The following TTC7A variants were observed in gnomAD, a reference collection of about 807,000 sequenced individuals.
TTC7A encodes the protein tetratricopeptide repeat domain 7A.
Under a neutral mutation model 103.7 loss-of-function variants are expected in TTC7A, and 110 were observed. That is an observed-to-expected ratio of 1.06 (90% confidence interval 0.91 to 1.24). The LOEUF (loss-of-function observed/expected upper bound fraction) is 1.24, where lower values mean the gene tolerates loss of function less well. Ranked by LOEUF, TTC7A falls within the 50% of genes most tolerant of loss-of-function variation. The pLI, the probability that TTC7A is intolerant of heterozygous loss-of-function variation, is 0.00. For missense variants in TTC7A, 1,340 were observed against 1,116.3 expected (o/e 1.20, Z -2.86); for synonymous variants, 521 against 467.9 (o/e 1.11, Z -1.47).
chr2:47,023,479 C>G lies in TTC7A; in HGVS notation c.1568+14C>G. The G allele has an allele frequency of 6.2e-7, 1 of 1,613,916 alleles. No individual in the cohort carries two copies. ...GACGCTGGAGAGGTGAGGAGGCTCCCACCTGCAGCAGAGGCCCCTCTTGCC... is the reference window on the plus strand; with the variant it reads ...GACGCTGGAGAGGTGAGGAGGCTCCGACCTGCAGCAGAGGCCCCTCTTGCC... On this transcript the variant is annotated intron_variant, in intron 13 of 19. Coordinates refer to ENST00000319190, the MANE Select transcript of TTC7A (RefSeq NM_020458.4).
At chr2:46,986,525 C>G (rs545640432) in intron 5 of TTC7A, among the ~76,000 whole-genome samples, 1 of 150,842 alleles carries the variant, frequency 6.6e-6, no homozygotes, top group African/African-American at 2.4e-5. Context: ...GGGAAAGAGG[C>G]AGAGAGGTGG....
chr2:46,941,503 C>G lies in TTC7A; in HGVS notation c.-39C>G. On this transcript the variant is annotated 5_prime_UTR_variant, in exon 1 of 20. Transcript: ENST00000319190. The surrounding 1 kb of genome is among the most constrained non-coding windows in gnomAD (Gnocchi z 4.2). Reference sequence around the variant, plus strand: ...GACGCCGCCCCCGGCCGGGTCTCCACTTCTTGGCCGCACCTTCCATGACAG... The same window carrying G: ...GACGCCGCCCCCGGCCGGGTCTCCAGTTCTTGGCCGCACCTTCCATGACAG... 6.5e-7 allele frequency: 1 copy of G among 1,545,646 alleles called. No homozygotes were observed. Among genetic ancestry groups the G allele is most frequent in the Non-Finnish European group, 8.7e-7 (1 of 1,145,106 alleles).
At chr2:46,918,575 A>G (rs150737904) in intron 2 of TTC7A, among the ~76,000 whole-genome samples, 27 of 152,356 alleles carry the variant, frequency 1.8e-4, no homozygotes, top group Middle Eastern at 3.4e-3. Context: ...GGATGCTAAA[A>G]ACAAGACACT....
In TTC7A at chr2:47,073,984, G is replaced by A; in HGVS notation, c.*61G>A. 1 of 1,423,932 alleles carries A rather than the reference G, an allele frequency of 7.0e-7. No individual in the cohort carries two copies. Among genetic ancestry groups the A allele is most frequent in the South Asian group, 1.2e-5 (1 of 82,522 alleles). The allele number at this position is 1,423,932 out of a possible 1,614,324, so 88.2% of individuals were successfully genotyped here. A position where few individuals can be genotyped will look rare whatever the true frequency, so the allele number is the denominator to read the frequency against. On this transcript the variant is annotated 3_prime_UTR_variant, in exon 20 of 20. Transcript: ENST00000319190. ...GAGGGAGAGGCAGCAGGGAACGTGG[G>A]TCAGGGTGGGGCAACAGTGGCATCA...
intron 15 of TTC7A, among the ~76,000 whole-genome samples, chr2:47,044,007 G>T (rs1247307052): frequency 1.3e-5 from 2 of 152,142 alleles, no homozygotes; most frequent in East Asian, 3.9e-4. Context: ...AATGCAGCAG[G>T]GCTGGCCTGC....
intron 19 of TTC7A, among the ~76,000 whole-genome samples, chr2:47,064,967 C>A (rs909208892): frequency 6.6e-6 from 1 of 152,196 alleles, no homozygotes; most frequent in Non-Finnish European, 1.5e-5. Flanking sequence ...ATGGGAGATA[C>A]TCAGGGAAAA....
chr2:47,072,944 T>G (rs1684893463), intron 19 of TTC7A, among the ~76,000 whole-genome samples: 1 of 152,172 alleles, frequency 6.6e-6, no homozygotes, highest in African/African-American at 2.4e-5. Context: ...TGTTAGTTCC[T>G]CTATCTCTTT....
intron 11 of TTC7A, 128 bp downstream of exon 11, chr2:47,011,563 G>C: frequency 2.8e-6 from 2 of 710,734 alleles, no homozygotes; most frequent in Non-Finnish European, 4.6e-6. Flanking sequence ...CTACCAGGCA[G>C]ATGGGCCTGG....
At chr2:47,057,195 C>T (rs113814439) in intron 18 of TTC7A, among the ~76,000 whole-genome samples, 4,355 of 152,312 alleles carry the variant, frequency 0.029, 104 homozygotes, top group South Asian at 0.061. Context: ...ACCTTTGGGC[C>T]TGTGTGCAGG....
At chr2:46,966,362 CTG>C (rs960940824) in intron 3 of TTC7A, among the ~76,000 whole-genome samples, 2 of 152,178 alleles carry the variant, frequency 1.3e-5, no homozygotes, top group Admixed American at 1.3e-4. Context: ...ACTTAGCACT[CTG>C]TGAACATTTT....
rs563452570 is a variant in TTC7A, at chr2:46,967,349, G to A, written c.518-7624G>A. 5.3e-5 allele frequency among the ~76,000 whole-genome samples: 8 copies of A among 152,272 alleles called. No individual in the cohort carries two copies. In the East Asian group the frequency reaches 1.5e-3, roughly 29 times the overall value. On this transcript the variant is annotated intron_variant, in intron 3 of 19. Coordinates refer to ENST00000319190, the MANE Select transcript of TTC7A (RefSeq NM_020458.4). ...TAACATTTGCATTATTGTGCAACCA[G>A]TCTCCAGAATTCTTTTACCTTGCGA...
Position 47,076,028 on chromosome 2 carries a change from C to T in TTC7A, c.*2105C>T, listed in dbSNP as rs1036520538. ...TGGGCCTTGTTCAGATTGGCCACCT[C>T]TGCTGAGAAGTCCATACCAGTACAC... On this transcript the variant is annotated 3_prime_UTR_variant, in exon 20 of 20. Transcript: ENST00000319190. The T allele has an allele frequency of 1.3e-5, 2 of 152,264 alleles. No individual in the cohort carries two copies. The highest frequency in any genetic ancestry group is 2.9e-5 in the Non-Finnish European group (2 of 68,080). The allele number at this position is 152,264 out of a possible 1,614,324, so 9.4% of individuals were successfully genotyped here. A position where few individuals can be genotyped will look rare whatever the true frequency, so the allele number is the denominator to read the frequency against.
At chr2:46,999,655 A>C (rs935587786) in intron 8 of TTC7A, 2 of 985,438 alleles carry the variant, frequency 2.0e-6, no homozygotes, top group African/African-American at 3.5e-5. Flanking sequence ...CTGAACCTCA[A>C]ACGTAAATTC....
At chr2:47,009,706 A>G (rs910173582) in intron 10 of TTC7A, among the ~76,000 whole-genome samples, 3 of 151,902 alleles carry the variant, frequency 2.0e-5, no homozygotes, top group Non-Finnish European at 4.4e-5. Context: ...CTGGGGGGAT[A>G]TGAGAGCTAA....
intron 12 of TTC7A, among the ~76,000 whole-genome samples, chr2:47,022,359 C>T (rs753670297): frequency 1.3e-5 from 2 of 152,222 alleles, no homozygotes; most frequent in African/African-American, 2.4e-5. Context: ...TTCTCATAGG[C>T]CTGCCTTTAA....
intron 4 of TTC7A, among the ~76,000 whole-genome samples, chr2:46,977,426 T>G (rs911334736): frequency 6.6e-6 from 1 of 152,180 alleles, no homozygotes; most frequent in African/African-American, 2.4e-5. Flanking sequence ...AAGGAAATGG[T>G]ATACAGAAGG....
chr2:47,012,247 G>A (rs1408780033), intron 11 of TTC7A, among the ~76,000 whole-genome samples: 2 of 152,234 alleles, frequency 1.3e-5, no homozygotes, highest in African/African-American at 4.8e-5. Context: ...CCCACTTCTG[G>A]ATAATCTTTG....
At chr2:46,968,304 G>GCAGT (rs1307158803) in intron 3 of TTC7A, among the ~76,000 whole-genome samples, 1 of 152,212 alleles carries the variant, frequency 6.6e-6, no homozygotes, top group African/African-American at 2.4e-5. Flanking sequence ...GAATCACAAG[G>GCAGT]CAGTGCCTGC....
chr2:46,990,803 T>A (rs1675542170), intron 5 of TTC7A, among the ~76,000 whole-genome samples: 1 of 152,158 alleles, frequency 6.6e-6, no homozygotes, highest in Non-Finnish European at 1.5e-5. Flanking sequence ...CTAGGAGAAC[T>A]AGAAGACCCC....
Sources: gnomAD v4.1 joint callset for allele counts (sites outside exome capture counted in the v4.1 genomes callset) on GRCh38, gnomAD v4.1.1 for gene constraint, Gnocchi (gnomAD v3.1) non-coding constraint, MANE v1.5 for transcripts, NCBI Gene and HGNC (gene_info 2026-07-23, HGNC 2026-07-21) for gene names.